Variants in PTPN5 observed in about 807,000 individuals in gnomAD.
PTPN5 encodes the protein tyrosine-protein phosphatase non-receptor type 5.
In PTPN5, 29 loss-of-function variants were observed where a neutral mutation model predicts 73.9. The observed-to-expected ratio is 0.39, with a 90% confidence interval of 0.29 to 0.54. The LOEUF (loss-of-function observed/expected upper bound fraction) is 0.54, where lower values mean the gene tolerates loss of function less well. Among genes scored for constraint, PTPN5 ranks in the 20% least tolerant of loss-of-function variants. PTPN5 has a pLI of 0.65. For synonymous variants in PTPN5, 267 were observed against 304.7 expected (o/e 0.88, Z 1.29); for missense variants, 652 against 751.4 (o/e 0.87, Z 1.55).
Position 18,733,032 on chromosome 11 carries a change from G to A in PTPN5, c.1218+203C>T, listed in dbSNP as rs1848954608. Among the ~76,000 whole-genome samples, 1 of 152,222 alleles carries A rather than the reference G, an allele frequency of 6.6e-6. No individual in the cohort carries two copies. The highest frequency in any genetic ancestry group is 1.5e-5 in the Non-Finnish European group (1 of 68,042). ...GTTTAAGGTCACGGGCACTGGAAGT[G>A]GAGAGGCCACCTCCAGGCATGCCTC... On this transcript the variant is annotated intron_variant, in intron 11 of 14. Coordinates refer to ENST00000358540, the MANE Select transcript of PTPN5 (RefSeq NM_006906.2). This position sits in a 1 kb window ranked among gnomAD's most constrained non-coding sequence, Gnocchi z 4.3.
chr11:18,773,660 C>T (rs1045881969), intron 1 of PTPN5, among the ~76,000 whole-genome samples: 18 of 152,154 alleles, frequency 1.2e-4, no homozygotes, highest in Non-Finnish European at 1.8e-4. Flanking sequence ...TGCTGGGGAG[C>T]TCTGAGTCTG....
chr11:18,750,335 T>G (rs534315313), intron 3 of PTPN5, among the ~76,000 whole-genome samples: 2 of 152,218 alleles, frequency 1.3e-5, no homozygotes, highest in Non-Finnish European at 2.9e-5. Context: ...AAGCTAAGAC[T>G]AGAACCCAGG....
intron 3 of PTPN5, among the ~76,000 whole-genome samples, chr11:18,764,773 C>A (rs1019529075): frequency 6.6e-6 from 1 of 152,148 alleles, no homozygotes; most frequent in Non-Finnish European, 1.5e-5. Flanking sequence ...AGTGCAGTGG[C>A]GCGATCTCGG....
At chr11:18,760,792 A>C (rs938651615) in intron 3 of PTPN5, among the ~76,000 whole-genome samples, 1 of 152,218 alleles carries the variant, frequency 6.6e-6, no homozygotes, top group Non-Finnish European at 1.5e-5. Flanking sequence ...GGCACTCCCC[A>C]TGAGCAGAGA....
chr11:18,770,430 T>C (rs1329019547), intron 2 of PTPN5, among the ~76,000 whole-genome samples: 2 of 152,250 alleles, frequency 1.3e-5, no homozygotes, highest in African/African-American at 2.4e-5. Context: ...TTTGGCTTCT[T>C]GCACTTAGCA....
At chr11:18,772,554 C>A (rs1458459512) in intron 1 of PTPN5, among the ~76,000 whole-genome samples, 1 of 152,200 alleles carries the variant, frequency 6.6e-6, no homozygotes, top group African/African-American at 2.4e-5. Flanking sequence ...TGTGCCCAGA[C>A]AAATGACTTC....
chr11:18,786,334 C>T (rs1430406598), intron 1 of PTPN5, among the ~76,000 whole-genome samples: 1 of 152,106 alleles, frequency 6.6e-6, no homozygotes, highest in Non-Finnish European at 1.5e-5. Flanking sequence ...TCCTGAGTAG[C>T]TGGGACTACA....
upstream of PTPN5, chr11:18,791,984 T>A (rs564578971): frequency 3.3e-5 from 5 of 152,278 alleles, no homozygotes; most frequent in South Asian, 1.0e-3. Flanking sequence ...TCATCTCAGG[T>A]GCCTCCCTCT....
chr11:18,742,313 G>A lies in PTPN5; in HGVS notation c.674C>T (p.Pro225Leu). ...PVFDCVMDIK[P>L]EADPTSLTVK... ...GGTGAGTGAGGTGGGGTCAGCCTCA[G>A]GCTTGATGTCCATCACACAATCAAA... The change falls in exon 7 of 15, where the codon CCT (proline) becomes CTT (leucine). Residue 225 changes from proline (P) to leucine (L), a missense_variant. By Grantham distance (98) the Pro-to-Leu change is moderately conservative. Coordinates refer to ENST00000358540, the MANE Select transcript of PTPN5 (RefSeq NM_006906.2). This position sits in a 1 kb window ranked among gnomAD's most constrained non-coding sequence, Gnocchi z 4.1. The A allele has an allele frequency of 6.2e-7, 1 of 1,614,168 alleles. No individual in the cohort carries two copies. Among genetic ancestry groups the A allele is most frequent in the Non-Finnish European group, 8.5e-7 (1 of 1,180,032 alleles).
chr11:18,754,351 G>C (rs1850032106), intron 3 of PTPN5, among the ~76,000 whole-genome samples: 1 of 152,196 alleles, frequency 6.6e-6, no homozygotes, highest in Non-Finnish European at 1.5e-5. Context: ...AAGACTCATG[G>C]ACTGAGCTGC....
At chr11:18,746,322 G>A (rs1251042309) in intron 3 of PTPN5, among the ~76,000 whole-genome samples, 1 of 151,242 alleles carries the variant, frequency 6.6e-6, no homozygotes, top group Admixed American at 6.6e-5. Context: ...CTCCGGAGTA[G>A]CTGGTATCGC....
At chr11:18,780,732 G>C (rs1209715975) in intron 1 of PTPN5, among the ~76,000 whole-genome samples, 1 of 152,114 alleles carries the variant, frequency 6.6e-6, no homozygotes, top group East Asian at 1.9e-4. Flanking sequence ...CATAACTTTG[G>C]CTTCTGTAAA....
In PTPN5 at chr11:18,789,651, C is replaced by T. The variant is rs138828245; in HGVS notation, c.-114+1874G>A. Among the ~76,000 whole-genome samples the T allele has an allele frequency of 2.8e-4, 43 of 152,240 alleles. No homozygotes were observed. In the East Asian group the frequency reaches 6.4e-3, roughly 23 times the overall value. On this transcript the variant is annotated intron_variant, in intron 1 of 14. Transcript: ENST00000358540. Reference sequence around the variant, plus strand: ...TCACCCCCCTCAAAAAGGAAGTTCTCGATGGAACTGGAGACTATGATTCTA... The same window carrying T: ...TCACCCCCCTCAAAAAGGAAGTTCTTGATGGAACTGGAGACTATGATTCTA...
At chr11:18,730,208 C>T (rs888128224) in intron 12 of PTPN5, 7 of 402,482 alleles carry the variant, frequency 1.7e-5, no homozygotes, top group Non-Finnish European at 3.1e-5. Context: ...TGCTGTGCCT[C>T]GCCTGCGCCT....
intron 2 of PTPN5, among the ~76,000 whole-genome samples, chr11:18,767,210 G>C (rs1363192039): frequency 6.6e-6 from 1 of 152,184 alleles, no homozygotes; most frequent in African/African-American, 2.4e-5. Flanking sequence ...TGGCCCTAGG[G>C]CCAGTTTCAG....
At chr11:18,740,501 A>T in intron 8 of PTPN5, 102 bp downstream of exon 8, 1 of 1,054,352 alleles carries the variant, frequency 9.5e-7, no homozygotes, top group Non-Finnish European at 1.3e-6. Flanking sequence ...ATACTAATCT[A>T]CTGCAGATGC....
intron 1 of PTPN5, among the ~76,000 whole-genome samples, chr11:18,783,611 G>A (rs868796702): frequency 4.6e-5 from 7 of 152,268 alleles, no homozygotes; most frequent in South Asian, 4.2e-4. Context: ...AACAGAAACC[G>A]TCTTCACTGA....
At chr11:18,759,000 A>G (rs1850271698) in intron 3 of PTPN5, among the ~76,000 whole-genome samples, 1 of 152,042 alleles carries the variant, frequency 6.6e-6, no homozygotes, top group African/African-American at 2.4e-5. Flanking sequence ...TTAAATATGT[A>G]AGCATAAAAC....
At chr11:18,770,823 C>T (rs1850853777) in intron 2 of PTPN5, among the ~76,000 whole-genome samples, 2 of 152,200 alleles carry the variant, frequency 1.3e-5, no homozygotes, top group African/African-American at 4.8e-5. Context: ...CCAGCCTAGA[C>T]CACCCACCCC....
Sources: allele counts gnomAD v4.1 joint callset (sites outside exome capture counted in the v4.1 genomes callset), GRCh38; gene constraint gnomAD v4.1.1; non-coding constraint Gnocchi (gnomAD v3.1); transcripts MANE v1.5; gene names NCBI Gene and HGNC (gene_info 2026-07-23, HGNC 2026-07-21).